The following DAB1 variants were observed in gnomAD, a reference collection of about 807,000 sequenced individuals.
DAB1 encodes DAB adaptor protein 1, also known as disabled homolog 1.
In DAB1, 15 loss-of-function variants were observed where a neutral mutation model predicts 64.6. The ratio of observed to expected loss-of-function variants is 0.23; its 90% CI spans 0.16 to 0.36. DAB1 has a LOEUF of 0.36. Ranked by LOEUF, DAB1 falls within the 10% of genes least tolerant of loss-of-function variation. DAB1 has a pLI of 1.00. For missense variants in DAB1, 596 were observed against 706.7 expected (o/e 0.84, Z 1.78); for synonymous variants, 235 against 251.9 (o/e 0.93, Z 0.64).
chr1:58,008,570 C>T (rs1457075222), intron 5 of DAB1, among the ~76,000 whole-genome samples: 1 of 152,064 alleles, frequency 6.6e-6, no homozygotes, highest in Non-Finnish European at 1.5e-5. Flanking sequence ...GATCAGGGAG[C>T]TCAATCATAG....
intron 5 of DAB1, among the ~76,000 whole-genome samples, chr1:57,963,609 T>C (rs1645579907): frequency 6.6e-6 from 1 of 152,160 alleles, no homozygotes; most frequent in Admixed American, 6.5e-5. Flanking sequence ...TTAAGGACCC[T>C]TTGAGCTGAT....
chr1:57,033,643 AATG>A lies in DAB1; in HGVS notation c.724-7603_724-7601del, dbSNP rs1647035758. On this transcript the variant is annotated intron_variant, in intron 9 of 14. Coordinates refer to ENST00000371236, the MANE Select transcript of DAB1 (RefSeq NM_001365792.1). ...ACAAATGACATGGATTTATGAGTTT[AATG>A]ATGACAGTATCTATGGTTCACACTT... 1.3e-5 allele frequency: 18 copies of A among 1,431,464 alleles called. No homozygotes were observed. In the Admixed American group the frequency reaches 3.2e-4, roughly 26 times the overall value. 88.7% of individuals were successfully genotyped at this position (1,431,464 alleles called of 1,614,324 possible).
intron 5 of DAB1, among the ~76,000 whole-genome samples, chr1:57,979,770 T>C (rs1453445729): frequency 6.6e-6 from 1 of 152,188 alleles, no homozygotes; most frequent in East Asian, 1.9e-4. Context: ...AAAATGGGGA[T>C]AAAATTAGCC....
intron 7 of DAB1, among the ~76,000 whole-genome samples, chr1:57,531,762 A>G (rs79573629): frequency 0.014 from 2,121 of 152,196 alleles, 59 homozygotes; most frequent in African/African-American, 0.049. Context: ...TGTGAGAAAA[A>G]CCAAAGTCCT....
chr1:58,159,467 A>G (rs1303162217), intron 4 of DAB1, among the ~76,000 whole-genome samples: 1 of 152,212 alleles, frequency 6.6e-6, no homozygotes, highest in Admixed American at 6.5e-5. Context: ...GGAAGTACAA[A>G]CTGAGAGGGA....
intron 2 of DAB1, among the ~76,000 whole-genome samples, chr1:57,238,860 T>TAAACAC (rs1469909957): frequency 1.5e-5 from 2 of 133,950 alleles, no homozygotes; most frequent in Non-Finnish European, 3.2e-5. Flanking sequence ...CACACACACA[T>TAAACAC]ACACACACAC....
chr1:57,368,129 C>A (rs1042548065), intron 1 of DAB1, among the ~76,000 whole-genome samples: 2 of 152,256 alleles, frequency 1.3e-5, no homozygotes, highest in Non-Finnish European at 2.9e-5. Context: ...GCACTGTTGA[C>A]ATGTCAGGCC....
At chr1:57,200,395 T>C (rs1349100816) in intron 2 of DAB1, among the ~76,000 whole-genome samples, 2 of 152,110 alleles carry the variant, frequency 1.3e-5, no homozygotes, top group African/African-American at 2.4e-5. Context: ...AGAGGGAAAG[T>C]AGGGTAGCAA....
At chr1:57,533,356 A>C (rs1246174442) in intron 7 of DAB1, among the ~76,000 whole-genome samples, 3 of 151,808 alleles carry the variant, frequency 2.0e-5, no homozygotes, top group Non-Finnish European at 2.9e-5. Context: ...AACACCTGGC[A>C]TAATATTTTA....
intron 5 of DAB1, among the ~76,000 whole-genome samples, chr1:58,029,693 G>A (rs1226952925): frequency 1.3e-5 from 2 of 152,150 alleles, no homozygotes; most frequent in Admixed American, 6.5e-5. Context: ...AAAATGATCA[G>A]ATGAGGAAAA....
Position 57,263,120 on chromosome 1 carries a change from A to T in DAB1, c.67+27844T>A, listed in dbSNP as rs530278412. ...ATCATCTATGGAATAAGAAGATAAA[A>T]TTTTTTTTTTTTTGAGACGGAGTCT... On this transcript the variant is annotated intron_variant, in intron 2 of 14. Coordinates refer to ENST00000371236, the MANE Select transcript of DAB1 (RefSeq NM_001365792.1). Among the ~76,000 whole-genome samples the T allele has an allele frequency of 4.5e-3, 666 of 148,904 alleles. 6 individuals are homozygous for T. The highest frequency in any genetic ancestry group is 0.013 in the African/African-American group (536 of 40,676).
intron 1 of DAB1, among the ~76,000 whole-genome samples, chr1:57,368,650 A>T (rs1680254050): frequency 6.6e-6 from 1 of 152,188 alleles, no homozygotes; most frequent in Non-Finnish European, 1.5e-5. Context: ...ATCTTCCTCC[A>T]GAGAGGAGCT....
chr1:58,209,556 C>T (rs1193876550), intron 4 of DAB1, among the ~76,000 whole-genome samples: 2 of 152,040 alleles, frequency 1.3e-5, no homozygotes, highest in African/African-American at 2.4e-5. Context: ...TTAGCCATTG[C>T]ATAATGTTTT....
chr1:58,040,564 A>G (rs1647119869), intron 5 of DAB1, among the ~76,000 whole-genome samples: 2 of 152,204 alleles, frequency 1.3e-5, no homozygotes, highest in Non-Finnish European at 2.9e-5. Flanking sequence ...AATGACTCCC[A>G]ACTTTTATTT....
At chr1:58,509,642 G>C (rs113470887) in intron 2 of DAB1, among the ~76,000 whole-genome samples, 20 of 145,924 alleles carry the variant, frequency 1.4e-4, no homozygotes, top group Admixed American at 6.1e-4. Context: ...CAGAAGGAGG[G>C]AAATAATAAA....
intron 5 of DAB1, among the ~76,000 whole-genome samples, chr1:58,032,694 C>T (rs1557618354): frequency 6.6e-6 from 1 of 152,220 alleles, no homozygotes; most frequent in Non-Finnish European, 1.5e-5. Context: ...CATGCCCCTT[C>T]CAATCCACCC....
At chr1:58,203,669 C>G (rs1658113694) in intron 4 of DAB1, among the ~76,000 whole-genome samples, 1 of 152,138 alleles carries the variant, frequency 6.6e-6, no homozygotes, top group South Asian at 2.1e-4. Context: ...TCCAAGTTTT[C>G]TGGTGGTGCT....
intron 5 of DAB1, among the ~76,000 whole-genome samples, chr1:58,074,007 G>C (rs1259979109): frequency 6.6e-6 from 1 of 152,180 alleles, no homozygotes; most frequent in Non-Finnish European, 1.5e-5. Flanking sequence ...ATATCCATGT[G>C]ATATTGATGA....
At chr1:57,222,390 G>A (rs1666947579) in intron 2 of DAB1, among the ~76,000 whole-genome samples, 1 of 152,188 alleles carries the variant, frequency 6.6e-6, no homozygotes, top group South Asian at 2.1e-4. Context: ...GGAAACATGG[G>A]AGCAATAATA....
Sources: gnomAD v4.1 joint callset for allele counts (sites outside exome capture counted in the v4.1 genomes callset) on GRCh38, gnomAD v4.1.1 for gene constraint, MANE v1.5 for transcripts, NCBI Gene and HGNC (gene_info 2026-07-23, HGNC 2026-07-21) for gene names.